Variants in KIF5C observed in about 807,000 individuals in gnomAD.
KIF5C encodes kinesin heavy chain isoform 5C.
Under a neutral mutation model 125.2 loss-of-function variants are expected in KIF5C, and 18 were observed. That is an observed-to-expected ratio of 0.14 (90% CI 0.10 to 0.21). KIF5C has a LOEUF of 0.21. Ranked by LOEUF, KIF5C falls within the 10% of genes least tolerant of loss-of-function variation. The pLI is 1.00. For synonymous variants in KIF5C, 405 were observed against 434.0 expected (o/e 0.93, Z 0.83); for missense variants, 780 against 1,183.8 (o/e 0.66, Z 5.01).
intron 14 of KIF5C, among the ~76,000 whole-genome samples, chr2:148,982,445 T>C (rs545063830): frequency 1.3e-5 from 2 of 152,274 alleles, no homozygotes; most frequent in African/African-American, 4.8e-5. Flanking sequence ...CCAGCCTGCT[T>C]TGTGGAAAGC....
chr2:148,981,622 G>T, intron 14 of KIF5C, 61 bp downstream of exon 14: 2 of 1,498,540 alleles, frequency 1.3e-6, no homozygotes, highest in Non-Finnish European at 1.8e-6. Flanking sequence ...TACTCATATT[G>T]ATATTCATTG....
intron 19 of KIF5C, 92 bp from the exon 20 acceptor site, chr2:149,000,331 C>G (rs757695770): frequency 2.1e-6 from 3 of 1,458,554 alleles, no homozygotes; most frequent in Middle Eastern, 3.5e-4. Flanking sequence ...TTGTACAGAG[C>G]TAATAGGGTT....
At chr2:148,926,692 A>G (rs1337555504) in intron 2 of KIF5C, among the ~76,000 whole-genome samples, 1 of 152,180 alleles carries the variant, frequency 6.6e-6, no homozygotes, top group Non-Finnish European at 1.5e-5. Flanking sequence ...ACATAGACTG[A>G]GCAAACAAAC....
intron 25 of KIF5C, among the ~76,000 whole-genome samples, chr2:149,021,704 G>A (rs1046712246): frequency 1.4e-5 from 2 of 143,260 alleles, no homozygotes; most frequent in Non-Finnish European, 3.0e-5. Context: ...TAATGTGTCA[G>A]GTTACAGAGG....
Position 148,875,597 on chromosome 2 carries a change from C to A in KIF5C, c.-21C>A. On this transcript the variant is annotated 5_prime_UTR_variant, in exon 1 of 26. Transcript: ENST00000435030. ...CCGGCCCCCCACCCATCCCCGTGCC[C>A]CCTCCCTACCGCCGGCCGAGATGGC... is the stretch of plus-strand genomic sequence containing the variant. The A allele has an allele frequency of 2.0e-6, 3 of 1,505,626 alleles. No homozygotes were observed. Among genetic ancestry groups the A allele is most frequent in the Admixed American group, 2.0e-5 (1 of 50,222 alleles). The allele number at this position is 1,505,626 out of a possible 1,614,324, so 93.3% of individuals were successfully genotyped here.
chr2:148,908,519 G>T (rs974167307), intron 1 of KIF5C, among the ~76,000 whole-genome samples: 1 of 152,176 alleles, frequency 6.6e-6, no homozygotes, highest in Non-Finnish European at 1.5e-5. Context: ...TAGGAGAGGG[G>T]TTATGGACAT....
chr2:148,987,313 C>T (rs2105167282), intron 15 of KIF5C, among the ~76,000 whole-genome samples: 1 of 152,190 alleles, frequency 6.6e-6, no homozygotes, highest in Middle Eastern at 3.4e-3. Context: ...TATAATTAGG[C>T]CCTGTACATC....
At chr2:148,946,780 C>A in intron 7 of KIF5C, 119 bp from the exon 8 acceptor site, 2 of 1,416,126 alleles carry the variant, frequency 1.4e-6, no homozygotes, top group Non-Finnish European at 1.9e-6. Flanking sequence ...TTAGAATTGA[C>A]TGGACTTACT....
At chr2:148,886,619 C>T (rs75975594) in intron 1 of KIF5C, among the ~76,000 whole-genome samples, 9,593 of 152,196 alleles carry the variant, frequency 0.063, 391 homozygotes, top group Middle Eastern at 0.18. Flanking sequence ...AGGCTTCTGG[C>T]ACTGGGTCCC....
Position 148,945,549 on chromosome 2 carries a change from A to C in KIF5C, c.590-1350A>C, listed in dbSNP as rs550596757. The stretch of plus-strand genomic sequence containing the variant: ...GTTTTGATTCCTGTAGCTTTGTAGT[A>C]ACTTTTATTTTTTATTTTTCCATAG... On this transcript the variant is annotated intron_variant, in intron 7 of 25. Coordinates refer to ENST00000435030, the MANE Select transcript of KIF5C (RefSeq NM_004522.3). Among the ~76,000 whole-genome samples, 3 of 152,144 alleles carry C rather than the reference A, an allele frequency of 2.0e-5. No individual in the cohort carries two copies. In the South Asian group the frequency reaches 6.2e-4, roughly 32 times the overall value.
At chr2:148,958,294 C>G (rs1224385593) in intron 10 of KIF5C, among the ~76,000 whole-genome samples, 1 of 152,150 alleles carries the variant, frequency 6.6e-6, no homozygotes, top group African/African-American at 2.4e-5. Context: ...AATTCACACT[C>G]TCTCCAGTAG....
At chr2:148,895,504 CTT>C (rs11308529) in intron 1 of KIF5C, among the ~76,000 whole-genome samples, 12 of 148,774 alleles carry the variant, frequency 8.1e-5, no homozygotes, top group African/African-American at 2.9e-4. Context: ...AGATTGTTTA[CTT>C]TTTTTTTTAT....
intron 15 of KIF5C, among the ~76,000 whole-genome samples, chr2:148,984,777 GTTAT>G (rs776302776): frequency 6.6e-6 from 1 of 151,928 alleles, no homozygotes; most frequent in Admixed American, 6.6e-5. Flanking sequence ...GGTGCTCTTG[GTTAT>G]TTGTTTATTT....
At chr2:149,017,407 G>C (rs1193515288) in intron 25 of KIF5C, among the ~76,000 whole-genome samples, 4 of 152,136 alleles carry the variant, frequency 2.6e-5, no homozygotes, top group Non-Finnish European at 4.4e-5. Context: ...GACCAGAGAC[G>C]GTGTAAAATC....
chr2:149,013,863 T>C (rs1476471758), intron 25 of KIF5C, among the ~76,000 whole-genome samples: 1 of 152,158 alleles, frequency 6.6e-6, no homozygotes, highest in African/African-American at 2.4e-5. Context: ...TGAAAATCAG[T>C]AGGTCTGGGG....
chr2:149,022,267 T>C (rs969342570), intron 25 of KIF5C, among the ~76,000 whole-genome samples: 2 of 152,154 alleles, frequency 1.3e-5, no homozygotes, highest in Non-Finnish European at 2.9e-5. Context: ...TGAATATCCA[T>C]AGCCTCAACA....
chr2:149,001,694 G>GC (rs569124483), intron 21 of KIF5C, among the ~76,000 whole-genome samples: 23 of 152,242 alleles, frequency 1.5e-4, no homozygotes, highest in Non-Finnish European at 2.6e-4. Flanking sequence ...GTGCCCCACA[G>GC]CCTGCGCTTT....
chr2:149,010,434 G>C, intron 24 of KIF5C, 83 bp downstream of exon 24: 3 of 1,463,750 alleles, frequency 2.0e-6, no homozygotes, highest in Non-Finnish European at 1.8e-6. Flanking sequence ...TGAAGACAGC[G>C]CTGGCCCACT....
intron 1 of KIF5C, among the ~76,000 whole-genome samples, chr2:148,901,169 G>T (rs1680888136): frequency 6.6e-6 from 1 of 152,152 alleles, no homozygotes; most frequent in Non-Finnish European, 1.5e-5. Context: ...ATACATCATT[G>T]TATGTAAATA....
Sources: allele counts gnomAD v4.1 joint callset (sites outside exome capture counted in the v4.1 genomes callset), GRCh38; gene constraint gnomAD v4.1.1; transcripts MANE v1.5; gene names NCBI Gene and HGNC (gene_info 2026-07-23, HGNC 2026-07-21).